The following DBH variants were observed in gnomAD, a reference collection of about 807,000 sequenced individuals.
The protein encoded by DBH is dopamine beta-hydroxylase, also known as dopamine beta-hydroxylase (dopamine beta-monooxygenase).
Under a neutral mutation model 64.0 loss-of-function variants are expected in DBH, and 49 were observed. The observed-to-expected ratio is 0.77, with a 90% CI of 0.61 to 0.97. The LOEUF (loss-of-function observed/expected upper bound fraction) is 0.97, where lower values mean the gene tolerates loss of function less well. DBH is among the 50% of genes least tolerant of loss of function. The pLI, the probability that DBH is intolerant of heterozygous loss-of-function variation, is 0.00. For synonymous variants in DBH, 343 were observed against 347.1 expected, an observed-to-expected ratio of 0.99 and a Z score of 0.13; for missense variants, 828 against 826.6, an observed-to-expected ratio of 1.00 and a Z score of -0.02.
chr9:133,654,030 G>A (rs1414048645), intron 9 of DBH, among the ~76,000 whole-genome samples: 7 of 152,224 alleles, frequency 4.6e-5, no homozygotes, highest in Admixed American at 3.3e-4. Flanking sequence ...CCATGTCACA[G>A]CCCTATTCTT....
intron 5 of DBH, among the ~76,000 whole-genome samples, chr9:133,645,852 A>C (rs1331751345): frequency 6.6e-6 from 1 of 152,156 alleles, no homozygotes; most frequent in Non-Finnish European, 1.5e-5. Context: ...TCAGTTTCTT[A>C]ATCTGTGAAA....
intron 7 of DBH, 135 bp downstream of exon 7, chr9:133,651,912 C>T: frequency 3.2e-6 from 3 of 932,444 alleles, no homozygotes; most frequent in African/African-American, 3.3e-5. Flanking sequence ...CACCCGCCCC[C>T]CACCCATGTG....
rs147329468 is a variant in DBH, at chr9:133,652,966, G to A, written c.1401G>A (p.Thr467=). 2.1e-5 allele frequency: 34 copies of A among 1,613,424 alleles called. No homozygotes were observed. The highest frequency in any genetic ancestry group is 1.7e-4 in the African/African-American group (13 of 74,880). Residue 467 remains threonine, a synonymous_variant, in exon 9 of 12, where the codon ACG becomes ACA. Coordinates refer to ENST00000393056, the MANE Select transcript of DBH (RefSeq NM_000787.4). ...GAGATGTGCTCATCACCTCCTGCAC[G>A]TACAACACAGAAGACCGGGAGCTGG... ...HPGDVLITSC[T]YNTEDRELAT...
rs1486005608 is a variant in DBH, at chr9:133,642,415, G to A, written c.695G>A (p.Cys232Tyr). 6.2e-7 allele frequency: 1 copy of A among 1,613,696 alleles called. No individual in the cohort carries two copies. The highest frequency in any genetic ancestry group is 2.2e-5 in the East Asian group (1 of 44,876). ...CCCAGCCAGGAGACCACGTACTGGT[G>A]CTACATTAAGGAGCTTCCAAAGGGC... ...QIPSQETTYW[C>Y]YIKELPKGFS... The change falls in exon 3 of 12, where the codon TGC becomes TAC. Residue 232 changes from cysteine to tyrosine, a missense_variant. Coordinates refer to ENST00000393056, the MANE Select transcript of DBH (RefSeq NM_000787.4).
At position 133,658,453 on chromosome 9, in the gene DBH, G is replaced by T. The variant is rs776014965; in HGVS notation, c.*6G>T. 43 of 1,602,544 alleles carry T rather than the reference G, an allele frequency of 2.7e-5. No individual in the cohort carries two copies. The Admixed American group carries it at 7.3e-4, about 27-fold the overall frequency. On this transcript the variant is annotated 3_prime_UTR_variant, in exon 12 of 12. Transcript: ENST00000393056. Reference sequence around the variant, plus strand: ...TTGGTGGGGGCAAAGGCTGAGGGGGGACCTACTCCTCCCCCTCCTCCATGC... The same window carrying T: ...TTGGTGGGGGCAAAGGCTGAGGGGGTACCTACTCCTCCCCCTCCTCCATGC...
chr9:133,653,627 G>C (rs1416944950), intron 9 of DBH, among the ~76,000 whole-genome samples: 1 of 152,162 alleles, frequency 6.6e-6, no homozygotes, highest in Non-Finnish European at 1.5e-5. Flanking sequence ...AGGAGAGGAG[G>C]AGAGGGTGGA....
intron 2 of DBH, among the ~76,000 whole-genome samples, 154 bp from the exon 3 acceptor site, chr9:133,642,053 G>T (rs1832121839): frequency 6.6e-6 from 1 of 152,228 alleles, no homozygotes; most frequent in African/African-American, 2.4e-5. Flanking sequence ...GCCCCAGCCA[G>T]GGCCATGCAA....
chr9:133,652,127 G>T, intron 7 of DBH, 119 bp from the exon 8 acceptor site: 1 of 1,179,950 alleles, frequency 8.5e-7, no homozygotes. Flanking sequence ...GTAGAGGCTG[G>T]GGCAAAATGG....
At chr9:133,656,709 C>A in intron 10 of DBH, 59 bp downstream of exon 10, 4 of 1,599,750 alleles carry the variant, frequency 2.5e-6, no homozygotes, top group Non-Finnish European at 3.4e-6. Context: ...GAACCTCGGG[C>A]CTGTTAGGCG....
At chr9:133,651,806 G>GCCACCC in intron 7 of DBH, 29 bp downstream of exon 7, 1 of 909,326 alleles carries the variant, frequency 1.1e-6, no homozygotes, top group Non-Finnish European at 1.4e-6. Flanking sequence ...CCCCTGCCCC[G>GCCACCC]CCCCCACACC....
Position 133,658,767 on chromosome 9 carries a change from G to A in DBH, c.*320G>A, listed in dbSNP as rs561965972. On this transcript the variant is annotated 3_prime_UTR_variant, in exon 12 of 12. Transcript: ENST00000393056. ...TCCAGCCCTCCGCCAGCCCTGTTCC[G>A]CCTCACTGGGTGTGGCCTGGCTTCT... 2.6e-4 allele frequency: 55 copies of A among 207,966 alleles called. No homozygotes were observed. The highest frequency in any genetic ancestry group is 2.3e-3 in the Admixed American group (39 of 16,838). The allele number at this position is 207,966 out of a possible 1,614,324, so 12.9% of individuals were successfully genotyped here.
intron 11 of DBH, 69 bp from the exon 12 acceptor site, chr9:133,658,247 G>A (rs1051875704): frequency 6.5e-5 from 103 of 1,593,222 alleles, no homozygotes; most frequent in Non-Finnish European, 8.2e-5. Flanking sequence ...TGGCTGGGAA[G>A]TGGCTGGGGA....
chr9:133,651,875 G>A (rs1832253637), intron 7 of DBH, 98 bp downstream of exon 7: 3 of 1,321,812 alleles, frequency 2.3e-6, no homozygotes, highest in Non-Finnish European at 3.2e-6. Flanking sequence ...ATGGCTCCAG[G>A]CTGGCTTCTT....
At chr9:133,648,662 C>T (rs1255839872) in intron 6 of DBH, among the ~76,000 whole-genome samples, 2 of 152,234 alleles carry the variant, frequency 1.3e-5, no homozygotes, top group Non-Finnish European at 2.9e-5. Context: ...CACCCGTCCT[C>T]AGGGCTATGC....
chr9:133,644,436 T>C, intron 5 of DBH, 116 bp downstream of exon 5: 1 of 840,062 alleles, frequency 1.2e-6, no homozygotes, highest in Middle Eastern at 2.2e-4. Context: ...ACAGCTCCTC[T>C]TGGCACGAGG....
chr9:133,650,455 CTTTCT>C (rs1482592856), intron 6 of DBH, among the ~76,000 whole-genome samples: 3 of 133,588 alleles, frequency 2.2e-5, no homozygotes, highest in South Asian at 2.3e-4. Context: ...CTTTTCTTTC[CTTTCT>C]TTTCTTTTTC....
rs945927066 is a variant in DBH, at chr9:133,658,742, TCCAGCCCTCCG to T, written c.*304_*314del. 144 of 251,230 alleles carry T rather than the reference TCCAGCCCTCCG, an allele frequency of 5.7e-4. No homozygotes were observed. Among genetic ancestry groups the T allele is most frequent in the African/African-American group, 3.0e-3 (134 of 44,970 alleles). 15.6% of individuals were successfully genotyped at this position (251,230 alleles called of 1,614,324 possible). On this transcript the variant is annotated 3_prime_UTR_variant, in exon 12 of 12. Coordinates refer to ENST00000393056, the MANE Select transcript of DBH (RefSeq NM_000787.4). ...GGACAGCCTGCACAGTGGTCCAGGG[TCCAGCCCTCCG>T]CCAGCCCTGTTCCGCCTCACTGGGT...
At chr9:133,638,379 A>G (rs548979588) in intron 1 of DBH, among the ~76,000 whole-genome samples, 1 of 152,230 alleles carries the variant, frequency 6.6e-6, no homozygotes, top group South Asian at 2.1e-4. Context: ...CTTTTTTCTC[A>G]AGGAAATGAA....
In DBH at chr9:133,636,653, G is replaced by T. The variant is rs1163352845; in HGVS notation, c.282G>T (p.Glu94Asp). ...TGTTTGGGATGTCCGACCGTGGCGA[G>T]CTTGAGAACGCAGATCTCGTGGTGC... The part of the protein sequence containing the change: ...GVLFGMSDRG[E>D]LENADLVVLW... Residue 94 changes from glutamate (E) to aspartate (D), a missense_variant, in exon 1 of 12, where the codon GAG (glutamate) becomes GAT (aspartate). Glu to Asp is a conservative substitution (Grantham distance 45, BLOSUM62 2). Coordinates refer to ENST00000393056, the MANE Select transcript of DBH (RefSeq NM_000787.4). 6.2e-6 allele frequency: 10 copies of T among 1,611,504 alleles called. No individual in the cohort carries two copies. Among genetic ancestry groups the T allele is most frequent in the Non-Finnish European group, 7.6e-6 (9 of 1,179,986 alleles).
Sources: gnomAD v4.1 joint callset for allele counts (sites outside exome capture counted in the v4.1 genomes callset) on GRCh38, gnomAD v4.1.1 for gene constraint, MANE v1.5 for transcripts, NCBI Gene and HGNC (gene_info 2026-07-23, HGNC 2026-07-21) for gene names.